PCDHGA9: variants seen among roughly 807,000 people sequenced by gnomAD.
PCDHGA9 encodes the protein protocadherin gamma subfamily A, 9.
Under a neutral mutation model 62.5 loss-of-function variants are expected in PCDHGA9, and 37 were observed. The observed-to-expected ratio is 0.59, with a 90% CI of 0.46 to 0.78. The LOEUF (loss-of-function observed/expected upper bound fraction) is 0.78, where lower values mean the gene tolerates loss of function less well. PCDHGA9 is among the 30% of genes least tolerant of loss of function. The probability of loss-of-function intolerance (pLI) is 0.00; values close to 1 mark genes in which losing one functional copy is unlikely to be tolerated. For synonymous variants in PCDHGA9, 459 were observed against 484.6 expected (o/e 0.95, Z 0.69); for missense variants, 1,138 against 1,166.2 (o/e 0.98, Z 0.35).
At chr5:141,505,259 C>T in intron 2 of PCDHGA9, 134 bp from the exon 3 acceptor site, 2 of 1,500,262 alleles carry the variant, frequency 1.3e-6, no homozygotes, top group Admixed American at 2.0e-5. Flanking sequence ...GTGCCTCCTA[C>T]CTTGCTGAGA....
At position 141,432,851 on chromosome 5, in the gene PCDHGA9, G is replaced by T. The variant is rs561153330; in HGVS notation, c.2424+27475G>T. 8 of 1,614,198 alleles carry T rather than the reference G, an allele frequency of 5.0e-6. No homozygotes were observed. In the African/African-American group the frequency reaches 9.3e-5, roughly 19 times the overall value. ...CACTCTGTACCTGGTGGTAGCGGTG[G>T]CCGCGGTCTCCTGCGTCTTCCTGGC... On this transcript the variant is annotated intron_variant, in intron 1 of 3. Transcript: ENST00000573521. This position sits in a 1 kb window ranked among gnomAD's most constrained non-coding sequence, Gnocchi z 6.0.
At chr5:141,429,647 T>C (rs1430094173) in intron 1 of PCDHGA9, among the ~76,000 whole-genome samples, 2 of 152,272 alleles carry the variant, frequency 1.3e-5, no homozygotes, top group African/African-American at 4.8e-5. Flanking sequence ...TATATATTTC[T>C]TCCCAATTTA....
chr5:141,437,617 C>T (rs570138576), intron 1 of PCDHGA9, among the ~76,000 whole-genome samples: 1 of 152,102 alleles, frequency 6.6e-6, no homozygotes, highest in Admixed American at 6.6e-5. Flanking sequence ...CTGCTTTATC[C>T]CCATATAAGA....
Position 141,414,386 on chromosome 5 carries a change from G to A in PCDHGA9, c.2424+9010G>A, listed in dbSNP as rs746637010. On this transcript the variant is annotated intron_variant, in intron 1 of 3. Transcript: ENST00000573521. ...TTTAAATTAGAAAAGTCCATTGACA[G>A]TTATTACAGATTGGTGATACACAGA... is the stretch of plus-strand genomic sequence containing the variant. The A allele has an allele frequency of 1.9e-6, 3 of 1,613,906 alleles. No homozygotes were observed. The Admixed American group carries it at 5.0e-5, about 27-fold the overall frequency.
Position 141,404,119 on chromosome 5 carries a change from T to G in PCDHGA9, c.1167T>G (p.Asn389Lys). The change falls in exon 1 of 4, where the codon AAT becomes AAG. Residue 389 changes from asparagine (N) to lysine (K), a missense_variant. Physicochemically the swap from Asn to Lys is moderately conservative, Grantham distance 94 (BLOSUM62 0). Transcript: ENST00000573521. ...NGQVVCSIQE[N>K]LSFTLENSEE... ...AAGTTGTCTGTTCTATCCAGGAGAA[T>G]CTATCTTTTACATTAGAAAATTCAG... The G allele has an allele frequency of 6.2e-7, 1 of 1,613,504 alleles. No homozygotes were observed. The highest frequency in any genetic ancestry group is 8.5e-7 in the Non-Finnish European group (1 of 1,179,604).
intron 1 of PCDHGA9, chr5:141,484,946 C>T (rs2154580274): frequency 3.6e-6 from 2 of 561,448 alleles, no homozygotes; most frequent in Non-Finnish European, 6.4e-6. Flanking sequence ...CTCTGCTCAG[C>T]CTATTGGCTG....
intron 1 of PCDHGA9, chr5:141,428,456 A>G (rs538022786): frequency 1.4e-5 from 5 of 358,650 alleles, no homozygotes; most frequent in South Asian, 1.1e-4. Context: ...TTTCCCAACT[A>G]CAATGAGGGA....
At chr5:141,442,895 A>G (rs1381559903) in intron 1 of PCDHGA9, among the ~76,000 whole-genome samples, 5 of 152,182 alleles carry the variant, frequency 3.3e-5, no homozygotes, top group African/African-American at 1.2e-4. Context: ...CCTGCTTATC[A>G]CTTCTCCTTC....
intron 1 of PCDHGA9, among the ~76,000 whole-genome samples, chr5:141,481,863 G>A (rs182704348): frequency 8.8e-4 from 130 of 147,602 alleles, no homozygotes; most frequent in African/African-American, 3.3e-3. Flanking sequence ...GCAGTGAGCC[G>A]AGATCGCGCC....
chr5:141,414,408 C>A (rs1190630924), intron 1 of PCDHGA9: 1 of 1,613,752 alleles, frequency 6.2e-7, no homozygotes, highest in Non-Finnish European at 8.5e-7. Context: ...TGGTGATACA[C>A]AGAGCCCTTG....
At chr5:141,460,231 G>A (rs911633731) in intron 1 of PCDHGA9, among the ~76,000 whole-genome samples, 3 of 152,028 alleles carry the variant, frequency 2.0e-5, no homozygotes, top group Non-Finnish European at 4.4e-5. Context: ...CTTTTGAAGA[G>A]CAGAAGATGT....
intron 1 of PCDHGA9, among the ~76,000 whole-genome samples, chr5:141,446,323 A>G (rs1372501599): frequency 6.6e-6 from 1 of 152,216 alleles, no homozygotes. Flanking sequence ...GGGTTTCCAC[A>G]TTAAGGAACT....
rs2094361083 is a variant in PCDHGA9 at position 141,403,148 on chromosome 5, A to T, written c.196A>T (p.Ile66Phe). The T allele has an allele frequency of 2.5e-6, 4 of 1,614,050 alleles. No homozygotes were observed. The South Asian group carries it at 4.4e-5, about 18-fold the overall frequency. Residue 66 changes from isoleucine (I) to phenylalanine (F), a missense_variant, in exon 1 of 4, where the codon ATC becomes TTC. Physicochemically the swap from Ile to Phe is conservative, Grantham distance 21. Coordinates refer to ENST00000573521, the MANE Select transcript of PCDHGA9 (RefSeq NM_018921.3). ...PRELAERRVR[I>F]VSRGRTQLFS... ...GGAGCTGGCGGAGCGCCGAGTCCGC[A>T]TCGTCTCTAGAGGTAGGACGCAGCT...
At chr5:141,414,821 A>G (rs1321959107) in intron 1 of PCDHGA9, 1 of 1,614,226 alleles carries the variant, frequency 6.2e-7, no homozygotes, top group South Asian at 1.1e-5. Flanking sequence ...CTCAGCAGCA[A>G]CGTGTCGTTG....
intron 1 of PCDHGA9, chr5:141,423,477 C>T (rs376147466): frequency 1.5e-5 from 24 of 1,613,872 alleles, no homozygotes; most frequent in Non-Finnish European, 1.9e-5. Flanking sequence ...TACAGGCTTT[C>T]CTGCAAACCT....
At chr5:141,445,249 G>A (rs1337658576) in intron 1 of PCDHGA9, among the ~76,000 whole-genome samples, 2 of 152,170 alleles carry the variant, frequency 1.3e-5, no homozygotes, top group South Asian at 4.1e-4. Flanking sequence ...ACTATATTGT[G>A]TGAGAATATA....
chr5:141,475,731 C>T (rs991175739), intron 1 of PCDHGA9, among the ~76,000 whole-genome samples: 1 of 152,248 alleles, frequency 6.6e-6, no homozygotes, highest in African/African-American at 2.4e-5. Context: ...GGCTGGCTTT[C>T]CCTAAGGTAG....
Position 141,404,312 on chromosome 5 carries a change from C to T in PCDHGA9, c.1360C>T (p.Gln454Ter). Residue 454 changes from glutamine to a stop codon, truncating the protein, a stop_gained, in exon 1 of 4, where the codon CAA becomes TAA. Transcript: ENST00000573521. LOFTEE classifies it high-confidence loss of function. Reference protein sequence around the residue: ...DINDNPPAFSQASYSVYLPEN... With the variant: ...DINDNPPAFS ...CAATGATAATCCACCTGCTTTCTCT[C>T]AAGCCTCCTACTCAGTCTACCTCCC... is the stretch of plus-strand genomic sequence containing the variant. 1.9e-6 allele frequency: 3 copies of T among 1,613,956 alleles called. No individual in the cohort carries two copies. The Middle Eastern group carries it at 4.9e-4, about 266-fold the overall frequency.
chr5:141,405,444 G>A, intron 1 of PCDHGA9, 68 bp downstream of exon 1: 1 of 1,379,466 alleles, frequency 7.2e-7, no homozygotes, highest in South Asian at 1.3e-5. Flanking sequence ...TTTTGAGACA[G>A]AGTCTTACTC....
Sources: allele counts gnomAD v4.1 joint callset (sites outside exome capture counted in the v4.1 genomes callset), GRCh38; gene constraint gnomAD v4.1.1; non-coding constraint Gnocchi (gnomAD v3.1); transcripts MANE v1.5; gene names NCBI Gene and HGNC (gene_info 2026-07-23, HGNC 2026-07-21).